Variants in ELK4 observed in about 807,000 individuals in gnomAD.
ELK4 encodes the protein ETS transcription factor ELK4, also known as ETS domain-containing protein Elk-4.
ELK4 carries 16 observed loss-of-function variants against 29.6 expected under a neutral mutation model. The ratio of observed to expected loss-of-function variants is 0.54; its 90% CI spans 0.37 to 0.82. The LOEUF is 0.82. Among genes scored for constraint, ELK4 ranks in the 40% least tolerant of loss-of-function variants. The probability of loss-of-function intolerance (pLI) is 0.00; values close to 1 mark genes in which losing one functional copy is unlikely to be tolerated. For synonymous variants in ELK4, 213 were observed against 191.1 expected (o/e 1.11, Z -0.95); for missense variants, 465 against 507.1 (o/e 0.92, Z 0.80).
chr1:205,616,380 G>A lies in ELK4; in HGVS notation c.*166C>T, dbSNP rs571145473. The A allele has an allele frequency of 2.0e-5, 12 of 589,440 alleles. No individual in the cohort carries two copies. In the Admixed American group the frequency reaches 3.0e-4, roughly 15 times the overall value. The allele number at this position is 589,440 out of a possible 1,614,324, so 36.5% of individuals were successfully genotyped here. On this transcript the variant is annotated 3_prime_UTR_variant, in exon 5 of 5. Transcript: ENST00000357992. Reference sequence around the variant, plus strand: ...TTTTTATACATATAGTCCAACTTGAGTCCTATTCAAAGAGAATCCTAAAAA... The same window carrying A: ...TTTTTATACATATAGTCCAACTTGAATCCTATTCAAAGAGAATCCTAAAAA...
In ELK4 at chr1:205,611,447, AG is replaced by A. The variant is rs1281620942; in HGVS notation, c.*5098del. 6 of 209,460 alleles carry A rather than the reference AG, an allele frequency of 2.9e-5. No homozygotes were observed. The East Asian group carries it at 4.3e-4, about 15-fold the overall frequency. The allele number at this position is 209,460 out of a possible 1,614,324, so 13.0% of individuals were successfully genotyped here. The stretch of plus-strand genomic sequence containing the variant: ...GTTCTGATGACATAAGAGGAATAAC[AG>A]GGCACTTTGTTTCAGGCAATGCCAG... On this transcript the variant is annotated 3_prime_UTR_variant, in exon 5 of 5. Transcript: ENST00000357992.
At chr1:205,629,108 T>C (rs1284987622) in intron 1 of ELK4, among the ~76,000 whole-genome samples, 2 of 143,318 alleles carry the variant, frequency 1.4e-5, no homozygotes, top group Non-Finnish European at 1.5e-5. Flanking sequence ...GAGGCGGAGC[T>C]TGCAGTGAGC....
intron 4 of ELK4, 38 bp downstream of exon 4, chr1:205,618,919 A>G: frequency 2.7e-6 from 4 of 1,502,710 alleles, no homozygotes; most frequent in Non-Finnish European, 3.7e-6. Context: ...TTCATTTAAC[A>G]TGCTCCAACT....
chr1:205,622,730 A>T (rs1004814679), intron 2 of ELK4, among the ~76,000 whole-genome samples: 1 of 152,254 alleles, frequency 6.6e-6, no homozygotes, highest in African/African-American at 2.4e-5. Context: ...ATATTTACTT[A>T]TCCTCAAGAA....
At chr1:205,618,064 C>T (rs1670266873) in intron 4 of ELK4, among the ~76,000 whole-genome samples, 1 of 151,860 alleles carries the variant, frequency 6.6e-6, no homozygotes. Context: ...CTCACTGTGT[C>T]ACCCAGGCCG....
At chr1:205,617,707 G>C (rs1670257357) in intron 4 of ELK4, among the ~76,000 whole-genome samples, 2 of 151,828 alleles carry the variant, frequency 1.3e-5, no homozygotes. Context: ...TTTGAGACCA[G>C]CCTGATCAAC....
At position 205,611,419 on chromosome 1, in the gene ELK4, A is replaced by G. The variant is rs2102372907; in HGVS notation, c.*5127T>C. ...AGATTAAACTTCAACTTCAGTAAGCAGAGTTCTGATGACATAAGAGGAATA... is the reference window on the plus strand; with the variant it reads ...AGATTAAACTTCAACTTCAGTAAGCGGAGTTCTGATGACATAAGAGGAATA... On this transcript the variant is annotated 3_prime_UTR_variant, in exon 5 of 5. Coordinates refer to ENST00000357992, the MANE Select transcript of ELK4 (RefSeq NM_001973.4). 1 of 210,750 alleles carries G rather than the reference A, an allele frequency of 4.7e-6. No individual in the cohort carries two copies. The highest frequency in any genetic ancestry group is 7.1e-5 in the East Asian group (1 of 13,992). 13.1% of individuals were successfully genotyped at this position (210,750 alleles called of 1,614,324 possible).
intron 1 of ELK4, among the ~76,000 whole-genome samples, chr1:205,628,603 T>G (rs1208114099): frequency 1.3e-5 from 2 of 152,210 alleles, no homozygotes; most frequent in Non-Finnish European, 2.9e-5. Flanking sequence ...CCCTACAAGT[T>G]TAAAGCCTCA....
intron 1 of ELK4, chr1:205,626,188 T>C (rs1670455448): frequency 1.6e-6 from 1 of 607,882 alleles, no homozygotes; most frequent in Non-Finnish European, 3.2e-6. Context: ...GGGGTCTCAT[T>C]CTACAGAGAG....
Position 205,611,715 on chromosome 1 carries a change from A to G in ELK4, c.*4831T>C. The G allele has an allele frequency of 5.2e-6, 1 of 191,510 alleles. No homozygotes were observed. The highest frequency in any genetic ancestry group is 1.1e-5 in the Non-Finnish European group (1 of 91,410). 11.9% of individuals were successfully genotyped at this position (191,510 alleles called of 1,614,324 possible). On this transcript the variant is annotated 3_prime_UTR_variant, in exon 5 of 5. Coordinates refer to ENST00000357992, the MANE Select transcript of ELK4 (RefSeq NM_001973.4). The stretch of plus-strand genomic sequence containing the variant: ...TCATGAGTAGTATTTTAACTTTCCT[A>G]TTGGTTTGGTAATTCATTTAGAGCC...
chr1:205,625,116 C>T (rs978837419), intron 1 of ELK4, among the ~76,000 whole-genome samples: 3 of 151,850 alleles, frequency 2.0e-5, no homozygotes, highest in African/African-American at 7.3e-5. Flanking sequence ...CAAATTATAT[C>T]AATACCATTA....
rs1670118242 is a variant in ELK4, at chr1:205,609,319, A to T, written c.*7227T>A. The T allele has an allele frequency of 5.3e-6, 1 of 189,534 alleles. No individual in the cohort carries two copies. The highest frequency in any genetic ancestry group is 2.3e-5 in the African/African-American group (1 of 42,972). 11.7% of individuals were successfully genotyped at this position (189,534 alleles called of 1,614,324 possible). A position where few individuals can be genotyped will look rare whatever the true frequency, so the allele number is the denominator to read the frequency against. The stretch of plus-strand genomic sequence containing the variant: ...TTAATCAAAAATTTTTACTTGCCTC[A>T]AACTAAAGCTAACCAGTAGCAAAAT... On this transcript the variant is annotated 3_prime_UTR_variant, in exon 5 of 5. Coordinates refer to ENST00000357992, the MANE Select transcript of ELK4 (RefSeq NM_001973.4).
At chr1:205,630,552 AC>A (rs1420737255) in intron 1 of ELK4, among the ~76,000 whole-genome samples, 2 of 152,192 alleles carry the variant, frequency 1.3e-5, no homozygotes, top group African/African-American at 2.4e-5. Context: ...CAAAATACTC[AC>A]CGTTGTCAAA....
In ELK4 at chr1:205,608,695, T is replaced by G. The variant is rs1670108427; in HGVS notation, c.*7851A>C. 1 of 194,470 alleles carries G rather than the reference T, an allele frequency of 5.1e-6. No individual in the cohort carries two copies. The highest frequency in any genetic ancestry group is 6.1e-5 in the Admixed American group (1 of 16,410). The allele number at this position is 194,470 out of a possible 1,614,324, so 12.0% of individuals were successfully genotyped here. A position where few individuals can be genotyped will look rare whatever the true frequency, so the allele number is the denominator to read the frequency against. ...ACAGTTATCCATTCCTCTGGGTAGG[T>G]GTGCACTTACATTATATGTAAGTAT... On this transcript the variant is annotated 3_prime_UTR_variant, in exon 5 of 5. Coordinates refer to ENST00000357992, the MANE Select transcript of ELK4 (RefSeq NM_001973.4).
chr1:205,628,136 G>C (rs1670502955), intron 1 of ELK4, among the ~76,000 whole-genome samples: 1 of 152,208 alleles, frequency 6.6e-6, no homozygotes, highest in South Asian at 2.1e-4. Context: ...ATGCCCGCTA[G>C]AAATCGGTTC....
At position 205,619,073 on chromosome 1, in the gene ELK4, T is replaced by C; in HGVS notation, c.1081A>G (p.Thr361Ala). The change falls in exon 4 of 5, where the codon ACA (threonine) becomes GCA (alanine). Residue 361 changes from threonine to alanine, a missense_variant and splice_region_variant. Coordinates refer to ENST00000357992, the MANE Select transcript of ELK4 (RefSeq NM_001973.4). ...ASLTPAFFSQ[T>A]PIILTPSPLL... Reference sequence around the variant, plus strand: ...GGGCTTGGAGTCAGTATGATGGGTGTCTGCAATACACAAAGCAAAAATATT... The same window carrying C: ...GGGCTTGGAGTCAGTATGATGGGTGCCTGCAATACACAAAGCAAAAATATT... 1 of 1,567,406 alleles carries C rather than the reference T, an allele frequency of 6.4e-7. No homozygotes were observed. The highest frequency in any genetic ancestry group is 8.6e-7 in the Non-Finnish European group (1 of 1,159,232).
chr1:205,631,984 C>T lies in ELK4; in HGVS notation c.-362G>A, dbSNP rs1438747276. 1 of 152,070 alleles carries T rather than the reference C, an allele frequency of 6.6e-6. No homozygotes were observed. The highest frequency in any genetic ancestry group is 2.4e-5 in the African/African-American group (1 of 41,522). 9.4% of individuals were successfully genotyped at this position (152,070 alleles called of 1,614,324 possible). A position where few individuals can be genotyped will look rare whatever the true frequency, so the allele number is the denominator to read the frequency against. ...CCGCCGCCACTCTCAAACCCCCCGACTGCTCCTGGGTCCCTCCCAGACGCC... is the reference window on the plus strand; with the variant it reads ...CCGCCGCCACTCTCAAACCCCCCGATTGCTCCTGGGTCCCTCCCAGACGCC... On this transcript the variant is annotated 5_prime_UTR_variant, in exon 1 of 5. Coordinates refer to ENST00000357992, the MANE Select transcript of ELK4 (RefSeq NM_001973.4).
chr1:205,618,225 C>T (rs1206577221), intron 4 of ELK4, among the ~76,000 whole-genome samples: 1 of 151,946 alleles, frequency 6.6e-6, no homozygotes, highest in Non-Finnish European at 1.5e-5. Flanking sequence ...CAGACAAGGT[C>T]TCCTTAGGTT....
In ELK4 at chr1:205,610,767, T is replaced by G. The variant is rs2102372513; in HGVS notation, c.*5779A>C. The G allele has an allele frequency of 4.3e-6, 1 of 231,118 alleles. No homozygotes were observed. Among genetic ancestry groups the G allele is most frequent in the Non-Finnish European group, 8.5e-6 (1 of 117,454 alleles). The allele number at this position is 231,118 out of a possible 1,614,324, so 14.3% of individuals were successfully genotyped here. Reference sequence around the variant, plus strand: ...ATGTATGTTCCCTATGAAAACAGATTTACACGCGCACACACACACACACAC... The same window carrying G: ...ATGTATGTTCCCTATGAAAACAGATGTACACGCGCACACACACACACACAC... On this transcript the variant is annotated 3_prime_UTR_variant, in exon 5 of 5. Coordinates refer to ENST00000357992, the MANE Select transcript of ELK4 (RefSeq NM_001973.4).
Sources: allele counts gnomAD v4.1 joint callset (sites outside exome capture counted in the v4.1 genomes callset), GRCh38; gene constraint gnomAD v4.1.1; transcripts MANE v1.5; gene names NCBI Gene and HGNC (gene_info 2026-07-23, HGNC 2026-07-21).